MECOM: variants seen among roughly 807,000 people sequenced by gnomAD.
The protein encoded by MECOM is MDS1 and EVI1 complex locus, also known as histone-lysine N-methyltransferase MECOM.
Under a neutral mutation model 116.3 loss-of-function variants are expected in MECOM, and 13 were observed. The ratio of observed to expected loss-of-function variants is 0.11; its 90% CI spans 0.07 to 0.18. MECOM has a LOEUF of 0.18. Among genes scored for constraint, MECOM ranks in the 10% least tolerant of loss-of-function variants. The pLI is 1.00. For synonymous variants in MECOM, 528 were observed against 535.2 expected (o/e 0.99, Z 0.19); for missense variants, 1,299 against 1,509.0 (o/e 0.86, Z 2.31).
chr3:169,343,911 C>T (rs1367151583), intron 2 of MECOM, among the ~76,000 whole-genome samples: 1 of 152,092 alleles, frequency 6.6e-6, no homozygotes, highest in Non-Finnish European at 1.5e-5. Flanking sequence ...TGCCAACAAA[C>T]TTTTGCTTTA....
At chr3:169,341,965 ACACCCACTATGCACC>A (rs1294286141) in intron 2 of MECOM, among the ~76,000 whole-genome samples, 2 of 152,120 alleles carry the variant, frequency 1.3e-5, no homozygotes, top group Non-Finnish European at 2.9e-5. Flanking sequence ...ATACATATAT[ACACCCACTATGCACC>A]CACAACAATT....
intron 2 of MECOM, chr3:169,146,977 A>G: frequency 1.0e-6 from 1 of 996,802 alleles, no homozygotes; most frequent in Non-Finnish European, 1.2e-6. Flanking sequence ...TTTCGGATTT[A>G]TTGTCCGCCA....
chr3:169,252,305 A>G (rs1265666098), intron 2 of MECOM, among the ~76,000 whole-genome samples: 1 of 152,050 alleles, frequency 6.6e-6, no homozygotes, highest in Admixed American at 6.6e-5. Flanking sequence ...TAAATTTGAG[A>G]TGGGGGAGAA....
At chr3:169,249,230 T>C (rs1755957068) in intron 2 of MECOM, among the ~76,000 whole-genome samples, 2 of 152,040 alleles carry the variant, frequency 1.3e-5, no homozygotes, top group African/African-American at 4.8e-5. Context: ...GGCTACCAAG[T>C]CAAATGAAGG....
At position 169,568,168 on chromosome 3, in the gene MECOM, G is replaced by A. The variant is rs536292851; in HGVS notation, c.37+95168C>T. Among the ~76,000 whole-genome samples, 335 of 152,284 alleles carry A rather than the reference G, an allele frequency of 2.2e-3. 3 individuals are homozygous for A. The highest frequency in any genetic ancestry group is 7.6e-3 in the African/African-American group (314 of 41,558). On this transcript the variant is annotated intron_variant, in intron 1 of 16. Coordinates refer to ENST00000651503, the MANE Select transcript of MECOM (RefSeq NM_004991.4). ...CAGAAGCCATGAGGGACCCTGCCAT[G>A]AGGGACAGTGTACTCTGGCCCAGAT...
At chr3:169,544,890 G>A (rs958033369) in intron 1 of MECOM, among the ~76,000 whole-genome samples, 1 of 152,152 alleles carries the variant, frequency 6.6e-6, no homozygotes, top group Non-Finnish European at 1.5e-5. Context: ...GGCAAGGGGA[G>A]GAAGAGCATT....
At chr3:169,141,340 T>G (rs906769711) in intron 3 of MECOM, among the ~76,000 whole-genome samples, 1 of 152,168 alleles carries the variant, frequency 6.6e-6, no homozygotes, top group East Asian at 1.9e-4. Flanking sequence ...CATTTGCTTT[T>G]GTGTTAGACA....
intron 1 of MECOM, among the ~76,000 whole-genome samples, chr3:169,513,300 A>G (rs1171982122): frequency 7.9e-5 from 12 of 152,230 alleles, no homozygotes; most frequent in African/African-American, 2.9e-4. Context: ...AGGCAGATGA[A>G]TCTGCCCATC....
chr3:169,085,290 A>T (rs1001862504), intron 16 of MECOM, among the ~76,000 whole-genome samples: 1 of 152,190 alleles, frequency 6.6e-6, no homozygotes, highest in African/African-American at 2.4e-5. Flanking sequence ...CTAAAATGCA[A>T]ATAGTGCTTC....
At chr3:169,571,363 C>T (rs1183670775) in intron 1 of MECOM, among the ~76,000 whole-genome samples, 1 of 152,164 alleles carries the variant, frequency 6.6e-6, no homozygotes, top group Non-Finnish European at 1.5e-5. Context: ...AATGGAAAAA[C>T]ATTCCATGCT....
chr3:169,517,904 A>G (rs1305227879), intron 1 of MECOM, among the ~76,000 whole-genome samples: 1 of 152,262 alleles, frequency 6.6e-6, no homozygotes, highest in Non-Finnish European at 1.5e-5. Context: ...ACATTCCAAC[A>G]GAGAAGTCAG....
At chr3:169,248,190 G>A (rs140443868) in intron 2 of MECOM, among the ~76,000 whole-genome samples, 146 of 152,180 alleles carry the variant, frequency 9.6e-4, no homozygotes, top group African/African-American at 3.3e-3. Flanking sequence ...CAATTACTTG[G>A]GAAAATCACT....
At chr3:169,255,797 G>A (rs1325505125) in intron 2 of MECOM, among the ~76,000 whole-genome samples, 2 of 152,074 alleles carry the variant, frequency 1.3e-5, no homozygotes, top group Non-Finnish European at 2.9e-5. Context: ...CTGCCAAGAC[G>A]ATGTTCCACA....
At chr3:169,162,170 G>A (rs895189992) in intron 2 of MECOM, among the ~76,000 whole-genome samples, 12 of 152,344 alleles carry the variant, frequency 7.9e-5, no homozygotes, top group African/African-American at 2.6e-4. Context: ...CAGACCATCA[G>A]AGAATAGCTC....
At chr3:169,187,755 G>C (rs1175302110) in intron 2 of MECOM, among the ~76,000 whole-genome samples, 1 of 152,054 alleles carries the variant, frequency 6.6e-6, no homozygotes, top group African/African-American at 2.4e-5. Context: ...TTATGTTAAA[G>C]AAAAGCATGT....
At chr3:169,494,735 TA>T (rs1355257288) in intron 1 of MECOM, among the ~76,000 whole-genome samples, 2 of 152,200 alleles carry the variant, frequency 1.3e-5, no homozygotes, top group Non-Finnish European at 2.9e-5. Context: ...CTGTATTTTG[TA>T]AAAGCTCCCA....
intron 1 of MECOM, among the ~76,000 whole-genome samples, chr3:169,466,358 T>G (rs1748303880): frequency 6.6e-6 from 1 of 152,212 alleles, no homozygotes; most frequent in African/African-American, 2.4e-5. Context: ...CAGTGAAGGC[T>G]CTGCGCTGTG....
intron 2 of MECOM, among the ~76,000 whole-genome samples, chr3:169,187,366 A>G (rs1379926640): frequency 1.3e-5 from 2 of 152,168 alleles, no homozygotes; most frequent in Non-Finnish European, 2.9e-5. Context: ...TTAGCAGAAC[A>G]TTCATCAATG....
intron 1 of MECOM, among the ~76,000 whole-genome samples, chr3:169,437,161 A>G (rs1387260342): frequency 6.6e-6 from 1 of 152,208 alleles, no homozygotes; most frequent in Non-Finnish European, 1.5e-5. Context: ...TAAGGAAACC[A>G]AGGCTTACAA....
Sources: gnomAD v4.1 joint callset for allele counts (sites outside exome capture counted in the v4.1 genomes callset) on GRCh38, gnomAD v4.1.1 for gene constraint, MANE v1.5 for transcripts, NCBI Gene and HGNC (gene_info 2026-07-23, HGNC 2026-07-21) for gene names.